The following LRP1B variants were observed in gnomAD, a reference collection of about 807,000 sequenced individuals.
LRP1B encodes the protein LDL receptor related protein 1B.
A neutral mutation model predicts 556.6 loss-of-function variants in LRP1B; 217 were observed. The ratio of observed to expected loss-of-function variants is 0.39; its 90% CI spans 0.35 to 0.44. The LOEUF is 0.44. Among genes scored for constraint, LRP1B ranks in the 20% least tolerant of loss-of-function variants. The pLI is 1.00. For synonymous variants in LRP1B, 2,047 were observed against 1,865.8 expected, an observed-to-expected ratio of 1.10 and a Z score of -2.50; for missense variants, 5,053 against 5,620.8, an observed-to-expected ratio of 0.90 and a Z score of 3.23.
At chr2:142,107,784 C>T (rs1031565323) in intron 1 of LRP1B, among the ~76,000 whole-genome samples, 4 of 145,038 alleles carry the variant, frequency 2.8e-5, no homozygotes, top group Admixed American at 7.2e-5. Flanking sequence ...CCCACCACCA[C>T]GCCTAGCTAA....
At chr2:140,706,923 C>T (rs1219078488) in intron 37 of LRP1B, among the ~76,000 whole-genome samples, 4 of 151,798 alleles carry the variant, frequency 2.6e-5, no homozygotes, top group African/African-American at 9.7e-5. Flanking sequence ...AGACAGCTAA[C>T]ATTAGTGACA....
intron 11 of LRP1B, among the ~76,000 whole-genome samples, chr2:141,036,859 A>G (rs546522156): frequency 6.8e-6 from 1 of 146,530 alleles, no homozygotes; most frequent in East Asian, 2.0e-4. Context: ...TATTGATATT[A>G]AAAAAAAAGA....
At chr2:141,126,376 G>T (rs1055485153) in intron 7 of LRP1B, among the ~76,000 whole-genome samples, 2 of 151,962 alleles carry the variant, frequency 1.3e-5, no homozygotes, top group African/African-American at 4.8e-5. Flanking sequence ...CTTCTTCCTC[G>T]CCATTCGATT....
intron 1 of LRP1B, among the ~76,000 whole-genome samples, chr2:141,994,064 T>C (rs1459514276): frequency 6.6e-6 from 1 of 152,168 alleles, no homozygotes; most frequent in Non-Finnish European, 1.5e-5. Context: ...ATTTCTTTAT[T>C]TTACAAGAAG....
chr2:142,053,723 C>A (rs530901439), intron 1 of LRP1B, among the ~76,000 whole-genome samples: 3 of 152,032 alleles, frequency 2.0e-5, no homozygotes, highest in Non-Finnish European at 4.4e-5. Flanking sequence ...AGACCATTGG[C>A]CACTAATTAA....
chr2:142,110,179 T>G (rs79997684), intron 1 of LRP1B, among the ~76,000 whole-genome samples: 1 of 152,068 alleles, frequency 6.6e-6, no homozygotes, highest in Non-Finnish European at 1.5e-5. Context: ...GGAATAAAAA[T>G]TCCTCTTTTT....
At chr2:140,773,002 G>A (rs992292009) in intron 33 of LRP1B, among the ~76,000 whole-genome samples, 5 of 152,050 alleles carry the variant, frequency 3.3e-5, no homozygotes, top group Non-Finnish European at 5.9e-5. Flanking sequence ...GGGAGGCTGA[G>A]GCATGAGAAT....
intron 7 of LRP1B, among the ~76,000 whole-genome samples, chr2:141,091,244 T>C (rs888854479): frequency 6.6e-6 from 1 of 152,082 alleles, no homozygotes; most frequent in South Asian, 2.1e-4. Flanking sequence ...TTGCTCTGAA[T>C]GAAAACAGAG....
At chr2:140,968,774 C>T (rs1696317281) in intron 18 of LRP1B, among the ~76,000 whole-genome samples, 1 of 152,136 alleles carries the variant, frequency 6.6e-6, no homozygotes, top group African/African-American at 2.4e-5. Flanking sequence ...TTTCTGCCTT[C>T]ATTTCGTTAT....
At chr2:142,088,990 A>G (rs57033942) in intron 1 of LRP1B, among the ~76,000 whole-genome samples, 2,905 of 40,766 alleles carry the variant, frequency 0.071, 56 homozygotes, top group Admixed American at 0.089. Flanking sequence ...AAAAAAAAAA[A>G]AAAAAAGAAA....
At chr2:140,254,502 C>G (rs754589389) in intron 86 of LRP1B, among the ~76,000 whole-genome samples, 2 of 151,980 alleles carry the variant, frequency 1.3e-5, no homozygotes, top group Non-Finnish European at 2.9e-5. Flanking sequence ...AGTCCTTGTT[C>G]TAGTTCCAAG....
intron 43 of LRP1B, among the ~76,000 whole-genome samples, chr2:140,543,452 T>TA (rs1680210190): frequency 6.6e-6 from 1 of 151,910 alleles, no homozygotes; most frequent in Non-Finnish European, 1.5e-5. Context: ...GATTCAATAT[T>TA]AAAAAATCAT....
intron 3 of LRP1B, among the ~76,000 whole-genome samples, chr2:141,303,071 T>G (rs112900050): frequency 2.2e-4 from 33 of 152,252 alleles, no homozygotes; most frequent in African/African-American, 7.7e-4. Flanking sequence ...ATATTCAATT[T>G]AATACCCATA....
chr2:140,512,073 A>G (rs2104924418), intron 51 of LRP1B, among the ~76,000 whole-genome samples: 1 of 152,264 alleles, frequency 6.6e-6, no homozygotes, highest in Non-Finnish European at 1.5e-5. Context: ...GTCTACTGCC[A>G]TATTATCACT....
At chr2:140,619,315 C>A (rs1387136389) in intron 41 of LRP1B, among the ~76,000 whole-genome samples, 4 of 151,838 alleles carry the variant, frequency 2.6e-5, no homozygotes, top group Admixed American at 6.6e-5. Context: ...ATATGAACAG[C>A]TTTTTGTTCT....
chr2:140,432,235 T>C (rs1323885547), intron 66 of LRP1B, among the ~76,000 whole-genome samples: 1 of 152,056 alleles, frequency 6.6e-6, no homozygotes, highest in African/African-American at 2.4e-5. Context: ...ACAACCCCCC[T>C]TTGACTGTAA....
At chr2:141,551,253 A>T (rs989188935) in intron 2 of LRP1B, among the ~76,000 whole-genome samples, 2 of 152,056 alleles carry the variant, frequency 1.3e-5, no homozygotes, top group Non-Finnish European at 2.9e-5. Context: ...ATGTATATAT[A>T]ACACATATTA....
At chr2:142,123,072 A>G (rs1707515473) in intron 1 of LRP1B, among the ~76,000 whole-genome samples, 1 of 151,990 alleles carries the variant, frequency 6.6e-6, no homozygotes, top group African/African-American at 2.4e-5. Context: ...TCCTTTCCTT[A>G]CACATCCTAG....
At chr2:140,429,768 CCAT>C (rs998356160) in intron 66 of LRP1B, among the ~76,000 whole-genome samples, 3 of 152,136 alleles carry the variant, frequency 2.0e-5, no homozygotes, top group Admixed American at 2.0e-4. Flanking sequence ...TTTAGGCTGC[CCAT>C]CATGTCTCCG....
Sources: allele counts gnomAD v4.1 joint callset (sites outside exome capture counted in the v4.1 genomes callset), GRCh38; gene constraint gnomAD v4.1.1; transcripts MANE v1.5; gene names NCBI Gene and HGNC (gene_info 2026-07-23, HGNC 2026-07-21).